The following ASIC2 variants were observed in gnomAD, a reference collection of about 807,000 sequenced individuals.
ASIC2 encodes acid sensing ion channel subunit 2.
Under a neutral mutation model 57.3 loss-of-function variants are expected in ASIC2, and 25 were observed. The ratio of observed to expected loss-of-function variants is 0.44; its 90% CI spans 0.32 to 0.61. ASIC2 has a LOEUF of 0.61. Among genes scored for constraint, ASIC2 ranks in the 20% least tolerant of loss-of-function variants. The pLI, the probability that ASIC2 is intolerant of heterozygous loss-of-function variation, is 0.06. For synonymous variants in ASIC2, 319 were observed against 307.5 expected, an observed-to-expected ratio of 1.04 and a Z score of -0.39; for missense variants, 641 against 738.1, an observed-to-expected ratio of 0.87 and a Z score of 1.52.
intron 1 of ASIC2, among the ~76,000 whole-genome samples, chr17:33,754,686 G>C (rs112551816): frequency 0.084 from 12,816 of 152,114 alleles, 550 homozygotes; most frequent in African/African-American, 0.095. Flanking sequence ...GGCTGGTGCG[G>C]TGGCTCACGC....
chr17:33,961,599 C>T (rs1434861331), intron 1 of ASIC2, among the ~76,000 whole-genome samples: 1 of 152,198 alleles, frequency 6.6e-6, no homozygotes, highest in South Asian at 2.1e-4. Flanking sequence ...GATTTTCTCT[C>T]CAGAGCAGAC....
chr17:33,762,042 CCTT>C (rs761352043), intron 1 of ASIC2, among the ~76,000 whole-genome samples: 11 of 152,102 alleles, frequency 7.2e-5, no homozygotes, highest in Admixed American at 1.3e-4. Context: ...GCAGGTCACA[CCTT>C]CTTAAACTGA....
At chr17:33,338,074 C>T (rs889495439) in intron 1 of ASIC2, among the ~76,000 whole-genome samples, 1 of 151,408 alleles carries the variant, frequency 6.6e-6, no homozygotes, top group Non-Finnish European at 1.5e-5. Context: ...CTGAGGTGTT[C>T]TGGCAGGGCA....
rs1427372029 is a variant in ASIC2, at chr17:33,981,884, A to C, written c.555+174094T>G. On this transcript the variant is annotated intron_variant, in intron 1 of 9. Coordinates refer to the ASIC2 transcript ENST00000359872. Reference sequence around the variant, plus strand: ...ATTATCTAAGGTCACATAGCCTTGTATGAGGAAGTGGCTTGATACAAACTC... The same window carrying C: ...ATTATCTAAGGTCACATAGCCTTGTCTGAGGAAGTGGCTTGATACAAACTC... Among the ~76,000 whole-genome samples the C allele has an allele frequency of 2.0e-5, 3 of 152,232 alleles. No individual in the cohort carries two copies. The East Asian group carries it at 5.8e-4, about 29-fold the overall frequency.
chr17:34,145,394 C>T lies in ASIC2; in HGVS notation c.555+10584G>A, dbSNP rs75854507. On this transcript the variant is annotated intron_variant, in intron 1 of 9. Transcript: ENST00000359872. Reference sequence around the variant, plus strand: ...TCACCTCTGACCCCAACTATCTGTGCAGGAAGGAAATAAAGACTCTCAGAG... The same window carrying T: ...TCACCTCTGACCCCAACTATCTGTGTAGGAAGGAAATAAAGACTCTCAGAG... Among the ~76,000 whole-genome samples, 1,454 of 152,246 alleles carry T rather than the reference C, an allele frequency of 9.6e-3. 39 individuals carry two copies. The highest frequency in any genetic ancestry group is 0.08 in the East Asian group (412 of 5,178).
chr17:33,912,137 CAAAAAAA>C (rs34408257), intron 1 of ASIC2, among the ~76,000 whole-genome samples: 1 of 49,434 alleles, frequency 2.0e-5, no homozygotes, highest in Admixed American at 2.8e-4. Context: ...GAGACTCCGT[CAAAAAAA>C]AAAAAAAAAA....
intron 1 of ASIC2, among the ~76,000 whole-genome samples, chr17:33,315,931 C>T (rs1906626033): frequency 6.6e-6 from 1 of 152,198 alleles, no homozygotes; most frequent in Non-Finnish European, 1.5e-5. Flanking sequence ...CATTGACTCT[C>T]ACTGAGCCTT....
intron 1 of ASIC2, chr17:34,002,825 C>A (rs2142016242): frequency 6.6e-6 from 1 of 152,312 alleles, no homozygotes; most frequent in East Asian, 1.9e-4. Flanking sequence ...GATACCTCCA[C>A]ATACAATTTA....
chr17:34,069,528 C>T (rs1909319544), intron 1 of ASIC2: 1 of 152,158 alleles, frequency 6.6e-6, no homozygotes, highest in Non-Finnish European at 1.5e-5. Context: ...CCTTGGGCTC[C>T]TTCTTGAAGA....
chr17:34,119,229 G>A (rs916292323), intron 1 of ASIC2, among the ~76,000 whole-genome samples: 1 of 152,086 alleles, frequency 6.6e-6, no homozygotes, highest in African/African-American at 2.4e-5. Context: ...ACATGACATC[G>A]ATTCGAGTCC....
At chr17:33,140,341 A>G (rs966459124) in intron 1 of ASIC2, among the ~76,000 whole-genome samples, 3 of 152,210 alleles carry the variant, frequency 2.0e-5, no homozygotes, top group African/African-American at 7.2e-5. Flanking sequence ...TTTTGAGTAC[A>G]TCGGAGAAGC....
intron 1 of ASIC2, among the ~76,000 whole-genome samples, chr17:33,663,534 G>A (rs1288447799): frequency 1.3e-5 from 2 of 150,434 alleles, no homozygotes; most frequent in East Asian, 2.0e-4. Context: ...TAGACCTTAC[G>A]TGTAAGGTGG....
intron 1 of ASIC2, among the ~76,000 whole-genome samples, chr17:33,151,197 A>G (rs917283390): frequency 3.3e-4 from 45 of 136,186 alleles, no homozygotes; most frequent in Non-Finnish European, 3.9e-4. Context: ...ACACACACAC[A>G]CACGCGCGCA....
intron 1 of ASIC2, among the ~76,000 whole-genome samples, chr17:33,303,814 A>C (rs548036925): frequency 1.3e-5 from 2 of 152,256 alleles, no homozygotes; most frequent in Admixed American, 1.3e-4. Context: ...TTATTCATTC[A>C]ATATTTCTCA....
intron 1 of ASIC2, among the ~76,000 whole-genome samples, chr17:34,099,462 G>T (rs1378893323): frequency 9.2e-6 from 1 of 108,628 alleles, no homozygotes; most frequent in South Asian, 2.9e-4. Context: ...AGAAAAGAAA[G>T]AAAGAGAGAG....
intron 1 of ASIC2, among the ~76,000 whole-genome samples, chr17:33,404,051 C>G (rs1451273875): frequency 2.6e-5 from 4 of 152,180 alleles, no homozygotes; most frequent in Non-Finnish European, 5.9e-5. Context: ...GCACTGACTT[C>G]CATAAAACAT....
At chr17:34,099,182 AAGAAAGAAAGAAAGAAAGAAAG>A (rs1910695387) in intron 1 of ASIC2, among the ~76,000 whole-genome samples, 9 of 24,596 alleles carry the variant, frequency 3.7e-4, no homozygotes, top group African/African-American at 6.3e-4. Flanking sequence ...GAAAGAAAGA[AAGAAAGAAAGAAAGAAAGAAAG>A]AAAGAAAGGA....
chr17:33,532,803 G>A (rs1458995954), intron 1 of ASIC2, among the ~76,000 whole-genome samples: 1 of 152,208 alleles, frequency 6.6e-6, no homozygotes, highest in Non-Finnish European at 1.5e-5. Context: ...CAAGTCTGCA[G>A]AGAACCTCTC....
chr17:33,493,923 C>T (rs1001351252), intron 1 of ASIC2, among the ~76,000 whole-genome samples: 1 of 152,198 alleles, frequency 6.6e-6, no homozygotes, highest in African/African-American at 2.4e-5. Flanking sequence ...TGTTCTGGCT[C>T]CCACTGACTA....
Sources: gnomAD v4.1 joint callset for allele counts (sites outside exome capture counted in the v4.1 genomes callset) on GRCh38, gnomAD v4.1.1 for gene constraint, MANE v1.5 for transcripts, NCBI Gene and HGNC (gene_info 2026-07-23, HGNC 2026-07-21) for gene names.